The following KHDRBS2 variants were observed in gnomAD, a reference collection of about 807,000 sequenced individuals.
KHDRBS2 encodes KH RNA binding domain containing, signal transduction associated 2.
KHDRBS2 carries 26 observed loss-of-function variants against 44.3 expected under a neutral mutation model. The observed-to-expected ratio is 0.59, with a 90% CI of 0.43 to 0.81. The LOEUF (loss-of-function observed/expected upper bound fraction) is 0.81, where lower values mean the gene tolerates loss of function less well. Among genes scored for constraint, KHDRBS2 ranks in the 40% least tolerant of loss-of-function variants. KHDRBS2 has a pLI of 0.00. For missense variants in KHDRBS2, 476 were observed against 433.1 expected (o/e 1.10, Z -0.88); for synonymous variants, 194 against 151.1 (o/e 1.28, Z -2.08).
intron 6 of KHDRBS2, among the ~76,000 whole-genome samples, chr6:61,810,649 C>T (rs1318891003): frequency 6.6e-6 from 1 of 152,132 alleles, no homozygotes; most frequent in East Asian, 1.9e-4. Context: ...CAAATATGTA[C>T]TGCTTATTAC....
At chr6:62,107,492 C>G (rs1303548171) in intron 2 of KHDRBS2, among the ~76,000 whole-genome samples, 1 of 152,164 alleles carries the variant, frequency 6.6e-6, no homozygotes, top group African/African-American at 2.4e-5. Flanking sequence ...TAGGAAGAAT[C>G]AATATCGTGA....
At chr6:61,723,566 C>G (rs560320566) in intron 7 of KHDRBS2, among the ~76,000 whole-genome samples, 1 of 151,122 alleles carries the variant, frequency 6.6e-6, no homozygotes, top group Admixed American at 6.6e-5. Context: ...AACAAACAAA[C>G]AAACAAACAA....
At chr6:61,787,201 GGCTATTATAAAAAAT>G (rs1191848290) in intron 6 of KHDRBS2, among the ~76,000 whole-genome samples, 3 of 151,158 alleles carry the variant, frequency 2.0e-5, no homozygotes, top group Admixed American at 2.0e-4. Flanking sequence ...TTCAACATTT[GGCTATTATAAAAAAT>G]GCTGTAATGA....
chr6:62,019,351 G>A (rs1189984013), intron 3 of KHDRBS2, among the ~76,000 whole-genome samples: 2 of 151,992 alleles, frequency 1.3e-5, no homozygotes, highest in Non-Finnish European at 2.9e-5. Context: ...ATTTTACCAA[G>A]TACTTTTCAT....
At chr6:61,781,772 C>T (rs1294156551) in intron 6 of KHDRBS2, among the ~76,000 whole-genome samples, 1 of 152,094 alleles carries the variant, frequency 6.6e-6, no homozygotes, top group Non-Finnish European at 1.5e-5. Context: ...AATTTTGGAA[C>T]TGGAGGGTAG....
chr6:61,892,570 C>T (rs1431350706), intron 6 of KHDRBS2, among the ~76,000 whole-genome samples: 3 of 152,100 alleles, frequency 2.0e-5, no homozygotes, highest in African/African-American at 7.2e-5. Flanking sequence ...ACCAATGGAA[C>T]AGAACAGAGT....
intron 1 of KHDRBS2, among the ~76,000 whole-genome samples, chr6:62,269,316 G>GA (rs1839708453): frequency 6.6e-6 from 1 of 152,046 alleles, no homozygotes; most frequent in East Asian, 1.9e-4. Context: ...ACATATTAGG[G>GA]AAAAATATCA....
intron 2 of KHDRBS2, among the ~76,000 whole-genome samples, chr6:62,086,516 A>G (rs1441509818): frequency 6.6e-6 from 1 of 152,152 alleles, no homozygotes; most frequent in East Asian, 1.9e-4. Flanking sequence ...TAGTGTTGAA[A>G]TCTCCTGGAA....
chr6:61,857,010 A>G (rs563750712), intron 6 of KHDRBS2, among the ~76,000 whole-genome samples: 3 of 152,260 alleles, frequency 2.0e-5, no homozygotes, highest in Admixed American at 2.0e-4. Context: ...CATAGCACCA[A>G]TGTGAAGAAT....
the KHDRBS2 span, among the ~76,000 whole-genome samples, chr6:61,562,319 C>A: frequency 6.6e-6 from 1 of 152,092 alleles, no homozygotes; most frequent in African/African-American, 2.4e-5. Flanking sequence ...GTTATGCAAC[C>A]AAGAGTTTCC....
chr6:62,268,592 T>C (rs377015209), intron 1 of KHDRBS2, among the ~76,000 whole-genome samples: 5 of 152,036 alleles, frequency 3.3e-5, no homozygotes, highest in East Asian at 3.9e-4. Flanking sequence ...ATAAAATATA[T>C]TGTTTTCTTG....
the KHDRBS2 span, among the ~76,000 whole-genome samples, chr6:61,584,792 A>T: frequency 6.6e-6 from 1 of 151,914 alleles, no homozygotes; most frequent in Non-Finnish European, 1.5e-5. Context: ...GATTGGGAAT[A>T]TTCAGTGGTA....
At chr6:61,624,055 C>T in the KHDRBS2 span, among the ~76,000 whole-genome samples, 1 of 152,100 alleles carries the variant, frequency 6.6e-6, no homozygotes, top group Non-Finnish European at 1.5e-5. Context: ...ACATTAAAGA[C>T]AAGGAGGTCT....
the KHDRBS2 span, among the ~76,000 whole-genome samples, chr6:61,568,104 C>A: frequency 6.6e-6 from 1 of 152,106 alleles, no homozygotes; most frequent in African/African-American, 2.4e-5. Context: ...AGTGTCCTCT[C>A]TTCAGTGTAT....
chr6:62,286,025 G>A lies in KHDRBS2; in HGVS notation c.-77C>T. ...GACGCAGGCAGGGTCTTGGGGCAGC[G>A]CCTGGCTCCCGCGCTGCTCCTCCTC... On this transcript the variant is annotated 5_prime_UTR_variant, in exon 1 of 9. Coordinates refer to ENST00000281156, the MANE Select transcript of KHDRBS2 (RefSeq NM_152688.4). 1.2e-6 allele frequency: 1 copy of A among 851,752 alleles called. No homozygotes were observed. Among genetic ancestry groups the A allele is most frequent in the Non-Finnish European group, 1.9e-6 (1 of 516,266 alleles). The allele number at this position is 851,752 out of a possible 1,614,324, so 52.8% of individuals were successfully genotyped here. A position where few individuals can be genotyped will look rare whatever the true frequency, so the allele number is the denominator to read the frequency against.
intron 2 of KHDRBS2, among the ~76,000 whole-genome samples, chr6:62,060,090 C>T (rs1355371184): frequency 6.6e-6 from 1 of 151,692 alleles, no homozygotes; most frequent in Non-Finnish European, 1.5e-5. Context: ...GAGAAGGGTG[C>T]TGATGGGGAC....
At chr6:61,642,146 C>G in the KHDRBS2 span, among the ~76,000 whole-genome samples, 1 of 152,134 alleles carries the variant, frequency 6.6e-6, no homozygotes, top group Non-Finnish European at 1.5e-5. Flanking sequence ...TTCCCTACTT[C>G]TGTAACAGAA....
At chr6:61,651,859 A>G in the KHDRBS2 span, among the ~76,000 whole-genome samples, 3 of 152,274 alleles carry the variant, frequency 2.0e-5, no homozygotes, top group East Asian at 1.9e-4. Context: ...AGGCTGTAAC[A>G]GTAGATATAG....
intron 2 of KHDRBS2, among the ~76,000 whole-genome samples, chr6:62,172,815 A>G (rs1475681524): frequency 6.6e-6 from 1 of 152,092 alleles, no homozygotes; most frequent in South Asian, 2.1e-4. Flanking sequence ...TTACGTGGAA[A>G]TTAACCTGCT....
Sources: allele counts gnomAD v4.1 joint callset (sites outside exome capture counted in the v4.1 genomes callset), GRCh38; gene constraint gnomAD v4.1.1; transcripts MANE v1.5; gene names NCBI Gene and HGNC (gene_info 2026-07-23, HGNC 2026-07-21).